Variants in PLXNA2 observed in about 807,000 individuals in gnomAD.
PLXNA2 encodes the protein plexin-A2.
PLXNA2 carries 91 observed loss-of-function variants against 193.5 expected under a neutral mutation model. That is an observed-to-expected ratio of 0.47 (90% confidence interval 0.40 to 0.56). The LOEUF is 0.56. Among genes scored for constraint, PLXNA2 ranks in the 20% least tolerant of loss-of-function variants. PLXNA2 has a pLI of 0.00. For synonymous variants in PLXNA2, 997 were observed against 1,027.3 expected, an observed-to-expected ratio of 0.97 and a Z score of 0.56; for missense variants, 1,995 against 2,503.2, an observed-to-expected ratio of 0.80 and a Z score of 4.33.
chr1:208,212,590 T>C (rs976215631), intron 2 of PLXNA2, among the ~76,000 whole-genome samples: 5 of 152,182 alleles, frequency 3.3e-5, no homozygotes, highest in African/African-American at 7.2e-5. Context: ...CCCATGATGC[T>C]TGAAATCAGC....
At chr1:208,035,337 G>A (rs897737550) in intron 26 of PLXNA2, among the ~76,000 whole-genome samples, 3 of 152,186 alleles carry the variant, frequency 2.0e-5, no homozygotes, top group South Asian at 2.1e-4. Context: ...AGTCACACTG[G>A]TCTGAAGCCC....
chr1:208,087,519 C>T (rs749930483), intron 9 of PLXNA2, among the ~76,000 whole-genome samples: 24 of 152,098 alleles, frequency 1.6e-4, no homozygotes, highest in Non-Finnish European at 2.8e-4. Flanking sequence ...TGAACCAGGC[C>T]CCAAGATTGC....
chr1:208,081,123 G>C (rs531314124), intron 11 of PLXNA2, among the ~76,000 whole-genome samples: 2 of 152,314 alleles, frequency 1.3e-5, no homozygotes, highest in South Asian at 4.1e-4. Flanking sequence ...CTAAGCTCCA[G>C]GTGCTAAGGC....
chr1:208,147,693 C>T (rs1668641482), intron 3 of PLXNA2, among the ~76,000 whole-genome samples: 1 of 152,190 alleles, frequency 6.6e-6, no homozygotes. Context: ...GATCACACAG[C>T]TGGAGAGTGG....
At chr1:208,032,149 C>T in intron 28 of PLXNA2, 7 of 985,184 alleles carry the variant, frequency 7.1e-6, no homozygotes, top group Non-Finnish European at 7.2e-6. Context: ...TGCCTCCTGG[C>T]AGGAGCACAG....
intron 4 of PLXNA2, among the ~76,000 whole-genome samples, chr1:208,129,368 C>A (rs1340008811): frequency 2.0e-5 from 3 of 152,132 alleles, no homozygotes; most frequent in Non-Finnish European, 4.4e-5. Context: ...GGGCTGGGTG[C>A]ATGATGGCTT....
At chr1:208,060,053 C>A (rs1052245341) in intron 13 of PLXNA2, among the ~76,000 whole-genome samples, 1 of 152,170 alleles carries the variant, frequency 6.6e-6, no homozygotes, top group African/African-American at 2.4e-5. Flanking sequence ...CCCCCGCTTT[C>A]TCCTTTGGAG....
intron 4 of PLXNA2, among the ~76,000 whole-genome samples, chr1:208,124,679 CAAAAA>C (rs34909092): frequency 1.5e-5 from 1 of 68,588 alleles, no homozygotes; most frequent in Non-Finnish European, 2.6e-5. Context: ...AACTCCGTCT[CAAAAA>C]AAAAAAAAAA....
intron 3 of PLXNA2, among the ~76,000 whole-genome samples, chr1:208,161,879 TC>T (rs932971939): frequency 5.1e-4 from 78 of 152,356 alleles, no homozygotes; most frequent in African/African-American, 1.8e-3. Context: ...CGTCAACTAC[TC>T]TGTGTCATGT....
chr1:208,082,546 C>T lies in PLXNA2; in HGVS notation c.2299-38G>A. 1 of 1,464,120 alleles carries T rather than the reference C, an allele frequency of 6.8e-7. No individual in the cohort carries two copies. Among genetic ancestry groups the T allele is most frequent in the South Asian group, 1.1e-5 (1 of 87,356 alleles). 90.7% of individuals were successfully genotyped at this position (1,464,120 alleles called of 1,614,324 possible). Reference sequence around the variant, plus strand: ...GGGCAGAGGCATGGGGCTCATGTGGCTCTCTATCACAGGGGTCAGGGATGC... The same window carrying T: ...GGGCAGAGGCATGGGGCTCATGTGGTTCTCTATCACAGGGGTCAGGGATGC... On this transcript the variant is annotated intron_variant, in intron 10 of 31. Transcript: ENST00000367033. The surrounding 1 kb of genome is among the most constrained non-coding windows in gnomAD (Gnocchi z 4.2).
intron 3 of PLXNA2, among the ~76,000 whole-genome samples, chr1:208,170,361 G>A (rs1669456571): frequency 6.6e-6 from 1 of 152,216 alleles, no homozygotes; most frequent in Non-Finnish European, 1.5e-5. Context: ...TGGAGGCTGG[G>A]GAGAACTAGC....
Position 208,217,729 on chromosome 1 carries a change from C to T in PLXNA2, c.194G>A (p.Gly65Glu). ...CAGCTTATAGACCCGGTTGATGGCC[C>T]CCACATAGACGGCCCCCGTCCCTTG... ...VHQGTGAVYV[G>E]AINRVYKLTG... The change falls in exon 2 of 32, where the codon GGG (glycine) becomes GAG (glutamate). Residue 65 changes from glycine (G) to glutamate (E), a missense_variant. This residue lies in a region of PLXNA2 where 702 missense variants were observed against 812.9 expected (regional missense o/e 0.86). Coordinates refer to ENST00000367033, the MANE Select transcript of PLXNA2 (RefSeq NM_025179.4). This position sits in a 1 kb window ranked among gnomAD's most constrained non-coding sequence, Gnocchi z 4.7. 1 of 1,614,154 alleles carries T rather than the reference C, an allele frequency of 6.2e-7. No homozygotes were observed. The highest frequency in any genetic ancestry group is 8.5e-7 in the Non-Finnish European group (1 of 1,180,020).
At chr1:208,059,576 C>T (rs1205522368) in intron 13 of PLXNA2, among the ~76,000 whole-genome samples, 2 of 152,200 alleles carry the variant, frequency 1.3e-5, no homozygotes, top group Non-Finnish European at 2.9e-5. Context: ...CGTGCCCCAT[C>T]ACTGTTATGG....
At chr1:208,227,963 T>C (rs1671564293) in intron 1 of PLXNA2, among the ~76,000 whole-genome samples, 1 of 152,102 alleles carries the variant, frequency 6.6e-6, no homozygotes, top group African/African-American at 2.4e-5. Flanking sequence ...ATGACACTGC[T>C]CTAATTTATA....
intron 3 of PLXNA2, among the ~76,000 whole-genome samples, chr1:208,143,728 C>T (rs1463827268): frequency 1.3e-5 from 2 of 151,826 alleles, no homozygotes; most frequent in African/African-American, 2.4e-5. Flanking sequence ...CACTTTGATG[C>T]CTTTTTTTTT....
At position 208,157,749 on chromosome 1, in the gene PLXNA2, G is replaced by C. The variant is rs536204648; in HGVS notation, c.1372-15286C>G. 2.6e-5 allele frequency among the ~76,000 whole-genome samples: 4 copies of C among 152,332 alleles called. No individual in the cohort carries two copies. In the South Asian group the frequency reaches 6.2e-4, roughly 24 times the overall value. ...CAGTGTGCTTGTAAGGAGAGCCACGGGGGTGGAGGAGAAACTCCTATGGGT... is the reference window on the plus strand; with the variant it reads ...CAGTGTGCTTGTAAGGAGAGCCACGCGGGTGGAGGAGAAACTCCTATGGGT... On this transcript the variant is annotated intron_variant, in intron 3 of 31. Transcript: ENST00000367033.
intron 13 of PLXNA2, among the ~76,000 whole-genome samples, chr1:208,058,764 T>C (rs570113253): frequency 2.6e-5 from 4 of 152,172 alleles, no homozygotes; most frequent in Non-Finnish European, 5.9e-5. Context: ...CTCGACACTT[T>C]CTTCCCCGTG....
chr1:208,178,648 G>T lies in PLXNA2; in HGVS notation c.1371+31632C>A, dbSNP rs192038020. On this transcript the variant is annotated intron_variant, in intron 3 of 31. Coordinates refer to ENST00000367033, the MANE Select transcript of PLXNA2 (RefSeq NM_025179.4). ...GCCTCCTTGTTGGGAACCCAATTTG[G>T]AAGGTATCGAATGAGGGACAATGTA... is the stretch of plus-strand genomic sequence containing the variant. Among the ~76,000 whole-genome samples, 5 of 152,336 alleles carry T rather than the reference G, an allele frequency of 3.3e-5. No homozygotes were observed. In the East Asian group the frequency reaches 9.6e-4, roughly 29 times the overall value.
At chr1:208,176,182 C>T (rs1261025503) in intron 3 of PLXNA2, among the ~76,000 whole-genome samples, 1 of 152,102 alleles carries the variant, frequency 6.6e-6, no homozygotes, top group Non-Finnish European at 1.5e-5. Flanking sequence ...TCCCATCAGC[C>T]TTTCCAGTGA....
Sources: gnomAD v4.1 joint callset for allele counts (sites outside exome capture counted in the v4.1 genomes callset) on GRCh38, gnomAD v4.1.1 for gene constraint, gnomAD v4.1.1 regional missense constraint, Gnocchi (gnomAD v3.1) non-coding constraint, MANE v1.5 for transcripts, NCBI Gene and HGNC (gene_info 2026-07-23, HGNC 2026-07-21) for gene names.